MSH4: variants seen among roughly 807,000 people sequenced by gnomAD.
MSH4 encodes the protein mutS protein homolog 4.
A neutral mutation model predicts 113.7 loss-of-function variants in MSH4; 106 were observed. The observed-to-expected ratio is 0.93, with a 90% CI of 0.80 to 1.10. The LOEUF is 1.10. Among genes scored for constraint, MSH4 ranks in the 50% least tolerant of loss-of-function variants. The pLI is 0.00. For synonymous variants in MSH4, 368 were observed against 380.2 expected (o/e 0.97, Z 0.37); for missense variants, 1,061 against 1,093.7 (o/e 0.97, Z 0.42).
intron 19 of MSH4, among the ~76,000 whole-genome samples, chr1:75,906,991 G>A (rs573996118): frequency 2.0e-5 from 3 of 151,606 alleles, no homozygotes; most frequent in Admixed American, 6.6e-5. Context: ...CCACCACCAC[G>A]CCCAGCTAAT....
rs748895301 is a variant in MSH4, at chr1:75,797,045, G to A, written c.60G>A (p.Ser20=). The change falls in exon 1 of 20, where the codon TCG becomes TCA. Residue 20 remains serine (S), a synonymous_variant. Transcript: ENST00000263187. ...SPSAPAVSPS[S]GETRSPQGPR... ...CTGCCCCGGCGGTTTCCCCGTCGTC[G>A]GGAGAAACCCGCTCACCTCAGGGTC... 9 of 1,614,074 alleles carry A rather than the reference G, an allele frequency of 5.6e-6. No homozygotes were observed. Among genetic ancestry groups the A allele is most frequent in the Middle Eastern group, 1.6e-4 (1 of 6,062 alleles).
Position 75,822,533 on chromosome 1 carries a change from GTT to G in MSH4, c.1115_1116del (p.Val372AlafsTer7), listed in dbSNP as rs1299752447. The G allele has an allele frequency of 6.4e-7, 1 of 1,564,702 alleles. No individual in the cohort carries two copies. The highest frequency in any genetic ancestry group is 8.6e-7 in the Non-Finnish European group (1 of 1,161,532). ...IETINMRLDC[V>X]QELLQDEELF... ...AACCATTAACATGAGATTAGATTGT[GTT>G]CAAGAACTACTTCAAGATGAGGAAC... is the stretch of plus-strand genomic sequence containing the variant. On this transcript the variant is annotated frameshift_variant, in exon 7 of 20. Transcript: ENST00000263187. LOFTEE classifies it high-confidence loss of function.
intron 13 of MSH4, among the ~76,000 whole-genome samples, chr1:75,880,517 A>G (rs570987204): frequency 1.3e-5 from 2 of 152,188 alleles, no homozygotes; most frequent in Non-Finnish European, 1.5e-5. Context: ...CAATAGTGTC[A>G]GTTCTTTTGC....
chr1:75,900,462 C>A, intron 19 of MSH4, among the ~76,000 whole-genome samples: 1 of 145,820 alleles, frequency 6.9e-6, no homozygotes, highest in East Asian at 1.9e-4. Flanking sequence ...CCACCACACC[C>A]GGCTAATTTT....
Position 75,898,063 on chromosome 1 carries a change from A to G in MSH4, c.2512A>G (p.Thr838Ala). The G allele has an allele frequency of 6.3e-7, 1 of 1,583,788 alleles. No individual in the cohort carries two copies. Among genetic ancestry groups the G allele is most frequent in the Non-Finnish European group, 8.6e-7 (1 of 1,165,540 alleles). ...TACCTACAAACTTTCTAAGGGACTC[A>G]CAGAAGAGAAAAATTATGGTACTGC... is the stretch of plus-strand genomic sequence containing the variant. ...LYTYKLSKGL[T>A]EEKNYGLKAA... The change falls in exon 18 of 20, where the codon ACA (threonine) becomes GCA (alanine). Residue 838 changes from threonine to alanine, a missense_variant. By Grantham distance (58) the Thr-to-Ala change is moderately conservative (BLOSUM62 0). Coordinates refer to ENST00000263187, the MANE Select transcript of MSH4 (RefSeq NM_002440.4).
At chr1:75,890,191 G>C (rs1484174565) in intron 16 of MSH4, among the ~76,000 whole-genome samples, 1 of 151,994 alleles carries the variant, frequency 6.6e-6, no homozygotes, top group African/African-American at 2.4e-5. Flanking sequence ...TTAAGTCTTA[G>C]TCTCCATTGG....
intron 8 of MSH4, among the ~76,000 whole-genome samples, chr1:75,858,447 C>A (rs1191494027): frequency 6.6e-6 from 1 of 152,120 alleles, no homozygotes; most frequent in African/African-American, 2.4e-5. Context: ...TCCATTGATA[C>A]CCACTTTATT....
chr1:75,879,165 A>G, intron 12 of MSH4, 37 bp downstream of exon 12: 2 of 1,574,308 alleles, frequency 1.3e-6, no homozygotes, highest in South Asian at 1.1e-5. Flanking sequence ...AGTGTTTCTG[A>G]TTTTATAGAA....
intron 13 of MSH4, among the ~76,000 whole-genome samples, chr1:75,880,428 G>A (rs191677836): frequency 1.1e-4 from 17 of 152,112 alleles, no homozygotes; most frequent in Admixed American, 1.0e-3. Context: ...CCTGGGCTTC[G>A]TTCAGTTTAT....
chr1:75,909,612 A>G (rs1652744318), intron 19 of MSH4, among the ~76,000 whole-genome samples: 2 of 151,622 alleles, frequency 1.3e-5, no homozygotes, highest in Admixed American at 1.3e-4. Context: ...CATGCATTAG[A>G]TATTTGTCCT....
Position 75,885,976 on chromosome 1 carries a change from G to GATGTATTATATAGCATGTATAA in MSH4, c.2107+2155_2107+2156insATGTATTATATAGCATGTATAA, listed in dbSNP as rs1652092620. Among the ~76,000 whole-genome samples the GATGTATTATATAGCATGTATAA allele has an allele frequency of 2.2e-5, 2 of 90,978 alleles. 1 individual carries two copies. Among genetic ancestry groups the GATGTATTATATAGCATGTATAA allele is most frequent in the Non-Finnish European group, 4.0e-5 (2 of 50,618 alleles). The allele number at this position is 90,978 out of a possible 152,430, so 59.7% of individuals were successfully genotyped here. A position where few individuals can be genotyped will look rare whatever the true frequency, so the allele number is the denominator to read the frequency against. ...TATGATGTATTATATAGCATGTATA[G>GATGTATTATATAGCATGTATAA]TATATATGATGTATTATATAGCATG... On this transcript the variant is annotated intron_variant, in intron 15 of 19. Transcript: ENST00000263187.
intron 3 of MSH4, among the ~76,000 whole-genome samples, chr1:75,807,959 AC>A (rs1650104194): frequency 6.6e-6 from 1 of 152,180 alleles, no homozygotes. Context: ...GCTGCCTTGG[AC>A]ATCAGAAATT....
chr1:75,862,073 G>C (rs1164945132), intron 8 of MSH4, among the ~76,000 whole-genome samples: 1 of 152,184 alleles, frequency 6.6e-6, no homozygotes, highest in African/African-American at 2.4e-5. Context: ...GGAGGTCTCT[G>C]TGGGCGTGGA....
chr1:75,850,465 A>G (rs1365360707), intron 8 of MSH4, among the ~76,000 whole-genome samples: 2 of 152,092 alleles, frequency 1.3e-5, no homozygotes, highest in Non-Finnish European at 2.9e-5. Context: ...GGGACTTTCC[A>G]AATATCTTTT....
At chr1:75,890,551 A>G in intron 16 of MSH4, 145 bp from the exon 17 acceptor site, 1 of 446,500 alleles carries the variant, frequency 2.2e-6, no homozygotes, top group Non-Finnish European at 3.9e-6. Context: ...TTAGAAAAGA[A>G]AACTATTATT....
chr1:75,877,740 T>C (rs184708630), intron 10 of MSH4, among the ~76,000 whole-genome samples: 163 of 152,340 alleles, frequency 1.1e-3, no homozygotes, highest in Non-Finnish European at 1.9e-3. Flanking sequence ...AGGGATCATA[T>C]GTTATTCTTC....
At chr1:75,902,682 T>C (rs1652531592) in intron 19 of MSH4, among the ~76,000 whole-genome samples, 1 of 4,580 alleles carries the variant, frequency 2.2e-4, no homozygotes, top group Non-Finnish European at 3.8e-4. Context: ...TGTATATATA[T>C]ATATATATAT....
intron 14 of MSH4, among the ~76,000 whole-genome samples, chr1:75,882,087 A>AT (rs1487988173): frequency 1.3e-5 from 2 of 152,030 alleles, no homozygotes; most frequent in Middle Eastern, 3.4e-3. Flanking sequence ...GTATCTTAAG[A>AT]TTTTTTCATA....
At chr1:75,845,081 G>A (rs912893471) in intron 7 of MSH4, among the ~76,000 whole-genome samples, 1 of 152,222 alleles carries the variant, frequency 6.6e-6, no homozygotes, top group African/African-American at 2.4e-5. Flanking sequence ...TGAGGGCAGA[G>A]CCCTCTTCAC....
Sources: gnomAD v4.1 joint callset for allele counts (sites outside exome capture counted in the v4.1 genomes callset) on GRCh38, gnomAD v4.1.1 for gene constraint, MANE v1.5 for transcripts, NCBI Gene and HGNC (gene_info 2026-07-23, HGNC 2026-07-21) for gene names.